The following TRPC6 variants were observed in gnomAD, a reference collection of about 807,000 sequenced individuals.
TRPC6 encodes the protein transient receptor potential cation channel subfamily C member 6.
In TRPC6, 55 loss-of-function variants were observed where a neutral mutation model predicts 90.7. The observed-to-expected ratio is 0.61, with a 90% confidence interval of 0.49 to 0.76. TRPC6 has a LOEUF of 0.76. Among genes scored for constraint, TRPC6 ranks in the 30% least tolerant of loss-of-function variants. The probability of loss-of-function intolerance (pLI) is 0.00; values close to 1 mark genes in which losing one functional copy is unlikely to be tolerated. For missense variants in TRPC6, 989 were observed against 1,122.7 expected (o/e 0.88, Z 1.70); for synonymous variants, 393 against 393.0 (o/e 1.00, Z 0.00).
chr11:101,498,467 C>T (rs941364222), intron 2 of TRPC6, among the ~76,000 whole-genome samples: 1 of 152,080 alleles, frequency 6.6e-6, no homozygotes, highest in African/African-American at 2.4e-5. Context: ...CTGCTTGGAA[C>T]CAGCTATACA....
intron 6 of TRPC6, among the ~76,000 whole-genome samples, chr11:101,474,355 TGAA>T (rs1859364964): frequency 6.6e-6 from 1 of 152,182 alleles, no homozygotes; most frequent in Admixed American, 6.6e-5. Flanking sequence ...TACCATAAAA[TGAA>T]GCAATTATTC....
rs370172839 is a variant in TRPC6 at position 101,453,876 on chromosome 11, G to C, written c.2569-151C>G. ...AAGATGATTCAGCCAGGATGCAGGC[G>C]ATCTCTACATTTTGCTTTCCTTTTT... On this transcript the variant is annotated intron_variant, in intron 11 of 12. Transcript: ENST00000344327. 4.1e-4 allele frequency: 312 copies of C among 753,842 alleles called. 6 individuals are homozygous for C. The South Asian group carries it at 4.8e-3, about 11-fold the overall frequency. 46.7% of individuals were successfully genotyped at this position (753,842 alleles called of 1,614,324 possible). A position where few individuals can be genotyped will look rare whatever the true frequency, so the allele number is the denominator to read the frequency against.
intron 4 of TRPC6, among the ~76,000 whole-genome samples, chr11:101,483,762 G>A (rs576427849): frequency 2.0e-5 from 3 of 152,336 alleles, no homozygotes; most frequent in African/African-American, 7.2e-5. Flanking sequence ...TGGATTTAAA[G>A]TCCAACATTT....
At chr11:101,475,097 A>G (rs1859381071) in intron 6 of TRPC6, among the ~76,000 whole-genome samples, 1 of 152,130 alleles carries the variant, frequency 6.6e-6, no homozygotes, top group Admixed American at 6.6e-5. Context: ...TAATAGAACT[A>G]TGTCATCCAC....
chr11:101,489,151 C>T (rs1267658940), intron 3 of TRPC6, 50 bp from the exon 4 acceptor site: 8 of 1,552,050 alleles, frequency 5.2e-6, no homozygotes, highest in Non-Finnish European at 7.1e-6. Flanking sequence ...AAAGGTTCAG[C>T]ATAAACGATT....
chr11:101,472,010 G>A (rs1054023743), intron 8 of TRPC6, 127 bp downstream of exon 8: 13 of 957,032 alleles, frequency 1.4e-5, no homozygotes, highest in Middle Eastern at 6.5e-4. Context: ...CTGGTCAAAC[G>A]AGTGTATAAA....
chr11:101,452,889 A>G lies in TRPC6; in HGVS notation c.*66T>C. Reference sequence around the variant, plus strand: ...GGTGGGCCCATTGGCACTTAAGAAAATAAATCAGAAAATAATATGGCTTCA... The same window carrying G: ...GGTGGGCCCATTGGCACTTAAGAAAGTAAATCAGAAAATAATATGGCTTCA... On this transcript the variant is annotated 3_prime_UTR_variant, in exon 13 of 13. Coordinates refer to ENST00000344327, the MANE Select transcript of TRPC6 (RefSeq NM_004621.6). 2.5e-6 allele frequency: 4 copies of G among 1,599,236 alleles called. No individual in the cohort carries two copies. Among genetic ancestry groups the G allele is most frequent in the Non-Finnish European group, 3.4e-6 (4 of 1,169,036 alleles).
At position 101,530,017 on chromosome 11, in the gene TRPC6, A is replaced by G. The variant is rs79968676; in HGVS notation, c.171-25219T>C. 1.6e-3 allele frequency among the ~76,000 whole-genome samples: 240 copies of G among 152,264 alleles called. 1 individual carries two copies. Among genetic ancestry groups the G allele is most frequent in the African/African-American group, 5.3e-3 (219 of 41,554 alleles). On this transcript the variant is annotated intron_variant, in intron 1 of 12. Coordinates refer to ENST00000344327, the MANE Select transcript of TRPC6 (RefSeq NM_004621.6). ...CTCCAAGGAGGAGTCATGCTCACCC[A>G]TGCCTAAAGTGACAGGTCCACCACC... is the stretch of plus-strand genomic sequence containing the variant.
chr11:101,492,707 T>C (rs1347623710), intron 2 of TRPC6, among the ~76,000 whole-genome samples: 1 of 152,216 alleles, frequency 6.6e-6, no homozygotes, highest in Non-Finnish European at 1.5e-5. Flanking sequence ...ACTTCATCAG[T>C]TAGGCATACA....
At chr11:101,467,131 G>C (rs1470554604) in intron 10 of TRPC6, among the ~76,000 whole-genome samples, 1 of 152,224 alleles carries the variant, frequency 6.6e-6, no homozygotes, top group African/African-American at 2.4e-5. Context: ...GGGAGCTGCA[G>C]ACCAGAGCTG....
At chr11:101,468,696 G>A (rs1401487844) in intron 10 of TRPC6, among the ~76,000 whole-genome samples, 2 of 152,112 alleles carry the variant, frequency 1.3e-5, no homozygotes, top group Non-Finnish European at 2.9e-5. Context: ...ACTCCTGCCT[G>A]GTAACAGCCC....
At chr11:101,481,334 A>G (rs935426086) in intron 5 of TRPC6, among the ~76,000 whole-genome samples, 3 of 152,132 alleles carry the variant, frequency 2.0e-5, no homozygotes, top group Non-Finnish European at 4.4e-5. Context: ...GCATATGTTA[A>G]CCCTACATAA....
chr11:101,573,944 G>GTGTGTGTGTA (rs1862019080), intron 1 of TRPC6, among the ~76,000 whole-genome samples: 1 of 130,086 alleles, frequency 7.7e-6, no homozygotes, highest in Non-Finnish European at 1.7e-5. Context: ...GTGTGTGTGT[G>GTGTGTGTGTA]TGTGTGTGTG....
chr11:101,582,907 G>A (rs1412242865), intron 1 of TRPC6, among the ~76,000 whole-genome samples: 1 of 152,000 alleles, frequency 6.6e-6, no homozygotes, highest in Non-Finnish European at 1.5e-5. Flanking sequence ...TGGAGTTCTA[G>A]TCATCTCTCC....
chr11:101,495,222 C>T (rs754872002), intron 2 of TRPC6, among the ~76,000 whole-genome samples: 3 of 152,094 alleles, frequency 2.0e-5, no homozygotes, highest in Non-Finnish European at 4.4e-5. Context: ...AAAAGATACC[C>T]GTTAAAATGA....
At chr11:101,505,948 G>A (rs1217395709) in intron 1 of TRPC6, among the ~76,000 whole-genome samples, 1 of 150,496 alleles carries the variant, frequency 6.6e-6, no homozygotes, top group East Asian at 2.0e-4. Context: ...GGAGATCAAG[G>A]CTGCAGAGAG....
At position 101,548,248 on chromosome 11, in the gene TRPC6, A is replaced by T. The variant is rs543121786; in HGVS notation, c.170+35086T>A. Among the ~76,000 whole-genome samples the T allele has an allele frequency of 5.7e-3, 538 of 95,020 alleles. 2 individuals are homozygous for T. Among genetic ancestry groups the T allele is most frequent in the African/African-American group, 0.022 (515 of 23,884 alleles). 62.3% of individuals were successfully genotyped at this position (95,020 alleles called of 152,430 possible). A position where few individuals can be genotyped will look rare whatever the true frequency, so the allele number is the denominator to read the frequency against. Reference sequence around the variant, plus strand: ...ATCTTCCCAACAGCCTAAGAACTAGATCATATATATATACATATATATATA... The same window carrying T: ...ATCTTCCCAACAGCCTAAGAACTAGTTCATATATATATACATATATATATA... On this transcript the variant is annotated intron_variant, in intron 1 of 12. Coordinates refer to ENST00000344327, the MANE Select transcript of TRPC6 (RefSeq NM_004621.6).
At chr11:101,507,047 ACACAGACC>A (rs1473430266) in intron 1 of TRPC6, among the ~76,000 whole-genome samples, 40 of 146,106 alleles carry the variant, frequency 2.7e-4, no homozygotes, top group African/African-American at 9.8e-4. Context: ...ACACACACAC[ACACAGACC>A]CCCTTCATGG....
At chr11:101,519,800 C>T (rs1860610925) in intron 1 of TRPC6, 4 of 154,054 alleles carry the variant, frequency 2.6e-5, no homozygotes, top group Admixed American at 1.3e-4. Flanking sequence ...ACCTGAAAGG[C>T]CTGGCACAAT....
Sources: gnomAD v4.1 joint callset for allele counts (sites outside exome capture counted in the v4.1 genomes callset) on GRCh38, gnomAD v4.1.1 for gene constraint, MANE v1.5 for transcripts, NCBI Gene and HGNC (gene_info 2026-07-23, HGNC 2026-07-21) for gene names.